Variants in RIMS2 observed in about 807,000 individuals in gnomAD.
RIMS2 encodes regulating synaptic membrane exocytosis protein 2.
Under a neutral mutation model 174.4 loss-of-function variants are expected in RIMS2, and 59 were observed. That is an observed-to-expected ratio of 0.34 (90% CI 0.27 to 0.42). RIMS2 has a LOEUF of 0.42. Ranked by LOEUF, RIMS2 falls within the 10% of genes least tolerant of loss-of-function variation. The pLI is 1.00. For synonymous variants in RIMS2, 606 were observed against 572.5 expected (o/e 1.06, Z -0.84); for missense variants, 1,620 against 1,666.3 (o/e 0.97, Z 0.48).
chr8:103,988,026 C>A (rs2094471428), intron 16 of RIMS2, among the ~76,000 whole-genome samples: 1 of 152,036 alleles, frequency 6.6e-6, no homozygotes, highest in Non-Finnish European at 1.5e-5. Flanking sequence ...CCATAACAAT[C>A]AAAAGTTTGT....
chr8:103,508,658 C>T (rs1824915756), intron 1 of RIMS2, among the ~76,000 whole-genome samples: 1 of 151,822 alleles, frequency 6.6e-6, no homozygotes, highest in South Asian at 2.1e-4. Flanking sequence ...AGCAGTGACA[C>T]AATATAATTA....
intron 14 of RIMS2, among the ~76,000 whole-genome samples, chr8:103,959,951 A>G (rs1015191042): frequency 6.6e-6 from 1 of 152,200 alleles, no homozygotes; most frequent in Middle Eastern, 3.2e-3. Flanking sequence ...GAACTAGAGA[A>G]GCAAGAGCAA....
At chr8:103,877,709 T>C (rs970291827) in intron 3 of RIMS2, among the ~76,000 whole-genome samples, 2 of 151,924 alleles carry the variant, frequency 1.3e-5, no homozygotes, top group Admixed American at 6.6e-5. Flanking sequence ...ACTTTGGCTA[T>C]TGAGGCTCTT....
At chr8:103,885,507 A>G (rs2099195023) in exon 4 of RIMS2, 1 of 1,612,588 alleles carries the variant, frequency 6.2e-7, no homozygotes. Flanking sequence ...AGTCATAGGC[A>G]TTCCAAAGAA....
intron 21 of RIMS2, among the ~76,000 whole-genome samples, chr8:104,249,212 C>A (rs551524294): frequency 2.1e-4 from 32 of 152,092 alleles, no homozygotes; most frequent in Admixed American, 1.6e-3. Flanking sequence ...GGATTACAGG[C>A]ATGAGCCACT....
At chr8:103,875,701 G>C (rs1199889336) in intron 3 of RIMS2, among the ~76,000 whole-genome samples, 1 of 152,034 alleles carries the variant, frequency 6.6e-6, no homozygotes, top group Non-Finnish European at 1.5e-5. Flanking sequence ...TTTCCATAGA[G>C]GCTGTACTAA....
intron 1 of RIMS2, among the ~76,000 whole-genome samples, chr8:103,619,226 T>A (rs1449852551): frequency 6.6e-6 from 1 of 151,712 alleles, no homozygotes; most frequent in African/African-American, 2.4e-5. Context: ...TAGAAAAGTA[T>A]CTTAGTAAAA....
chr8:104,087,426 C>T (rs1004984989), intron 19 of RIMS2, among the ~76,000 whole-genome samples: 1 of 152,058 alleles, frequency 6.6e-6, no homozygotes, highest in African/African-American at 2.4e-5. Context: ...ACACATAATA[C>T]CACATGATAA....
chr8:103,539,433 A>G (rs1369580360), intron 1 of RIMS2, among the ~76,000 whole-genome samples: 1 of 152,236 alleles, frequency 6.6e-6, no homozygotes, highest in Non-Finnish European at 1.5e-5. Context: ...GGCCCAATAA[A>G]GTATACTGAA....
chr8:103,648,796 A>T (rs905701036), intron 1 of RIMS2, among the ~76,000 whole-genome samples: 6 of 151,736 alleles, frequency 4.0e-5, no homozygotes, highest in Non-Finnish European at 8.8e-5. Context: ...TGTTTGGTAA[A>T]TTTTCCTCCA....
intron 21 of RIMS2, 37 bp downstream of exon 27, chr8:104,248,850 T>G (rs547458817): frequency 1.8e-6 from 2 of 1,081,372 alleles, no homozygotes; most frequent in South Asian, 2.5e-5. Context: ...CTATTTTGTT[T>G]TAGATTGTTG....
At chr8:104,135,011 A>G (rs1041382079) in intron 19 of RIMS2, among the ~76,000 whole-genome samples, 10 of 151,908 alleles carry the variant, frequency 6.6e-5, no homozygotes, top group Non-Finnish European at 1.5e-4. Context: ...TTTTGGTGCA[A>G]AAAAAATTTG....
At chr8:103,912,978 T>TTTG (rs1554969180) in intron 6 of RIMS2, among the ~76,000 whole-genome samples, 8 of 145,410 alleles carry the variant, frequency 5.5e-5, no homozygotes, top group Non-Finnish European at 1.1e-4. Flanking sequence ...TTGTTTTTTT[T>TTTG]TTTTTTTTTT....
At chr8:104,149,947 G>A (rs1187144475) in intron 19 of RIMS2, among the ~76,000 whole-genome samples, 1 of 151,930 alleles carries the variant, frequency 6.6e-6, no homozygotes, top group Non-Finnish European at 1.5e-5. Flanking sequence ...TTTTAATTTG[G>A]TGTTGTAAAA....
At chr8:103,945,204 C>G (rs1299835762) in intron 14 of RIMS2, among the ~76,000 whole-genome samples, 1 of 151,932 alleles carries the variant, frequency 6.6e-6, no homozygotes, top group African/African-American at 2.4e-5. Context: ...ATGAACAACT[C>G]TATGCCAAAA....
At chr8:103,795,610 A>G in intron 3 of RIMS2, among the ~76,000 whole-genome samples, 1 of 150,356 alleles carries the variant, frequency 6.7e-6, no homozygotes, top group East Asian at 1.9e-4. Flanking sequence ...AGTACAAAGA[A>G]AAAAAAGAGG....
chr8:103,799,298 C>A (rs1199922987), intron 3 of RIMS2, among the ~76,000 whole-genome samples: 1 of 152,132 alleles, frequency 6.6e-6, no homozygotes, highest in Non-Finnish European at 1.5e-5. Flanking sequence ...TGGTAATTTT[C>A]TTTACCTCAA....
chr8:103,850,157 T>C (rs987930658), intron 3 of RIMS2, among the ~76,000 whole-genome samples: 13 of 152,152 alleles, frequency 8.5e-5, no homozygotes, highest in Admixed American at 7.9e-4. Context: ...AATCATTCTT[T>C]ATAATTTAAG....
At chr8:103,849,424 G>A (rs2098985455) in intron 3 of RIMS2, among the ~76,000 whole-genome samples, 1 of 152,090 alleles carries the variant, frequency 6.6e-6, no homozygotes, top group Admixed American at 6.6e-5. Flanking sequence ...ATAGGAATGA[G>A]AAAAGAGCTG....
Sources: allele counts gnomAD v4.1 joint callset (sites outside exome capture counted in the v4.1 genomes callset), GRCh38; gene constraint gnomAD v4.1.1; transcripts MANE v1.5; gene names NCBI Gene and HGNC (gene_info 2026-07-23, HGNC 2026-07-21).